LIN28B: variants seen among roughly 807,000 people sequenced by gnomAD.
LIN28B encodes lin-28 RNA binding posttranscriptional regulator B.
Under a neutral mutation model 21.9 loss-of-function variants are expected in LIN28B, and 5 were observed. That is an observed-to-expected ratio of 0.23 (90% confidence interval 0.12 to 0.48). The LOEUF (loss-of-function observed/expected upper bound fraction) is 0.48. Ranked by LOEUF, LIN28B falls within the 20% of genes least tolerant of loss-of-function variation. LIN28B has a pLI of 0.98. For missense variants in LIN28B, 245 were observed against 310.5 expected, an observed-to-expected ratio of 0.79 and a Z score of 1.58; for synonymous variants, 109 against 111.3, an observed-to-expected ratio of 0.98 and a Z score of 0.13.
chr6:105,020,107 C>CTTTTTTTTTTT (rs1158938023), intron 2 of LIN28B, among the ~76,000 whole-genome samples: 4 of 87,610 alleles, frequency 4.6e-5, no homozygotes, highest in African/African-American at 1.9e-4. Flanking sequence ...TCCTGTTATT[C>CTTTTTTTTTTT]TTTTTTTTTT....
rs1771033804 is a variant in LIN28B, at chr6:105,016,656, C to G, written c.199-9642C>G. On this transcript the variant is annotated intron_variant, in intron 2 of 3. Transcript: ENST00000345080. ...TCCCCACCATCCTGATTCTCCCTCTCTGCTTCAAATATATGCTGAACACCT... is the reference window on the plus strand; with the variant it reads ...TCCCCACCATCCTGATTCTCCCTCTGTGCTTCAAATATATGCTGAACACCT... Among the ~76,000 whole-genome samples the G allele has an allele frequency of 3.9e-5, 6 of 152,130 alleles. No individual in the cohort carries two copies. The South Asian group carries it at 1.0e-3, about 26-fold the overall frequency.
At chr6:104,940,856 C>G (rs549014815) in intron 2 of LIN28B, 1 of 152,376 alleles carries the variant, frequency 6.6e-6, no homozygotes, top group Non-Finnish European at 1.5e-5. Context: ...CCCCGCCGCG[C>G]GCCTCACAGG....
At chr6:104,955,776 G>A (rs189535162), upstream of LIN28B, among the ~76,000 whole-genome samples, 437 of 147,578 alleles carry the variant, frequency 3.0e-3, 3 homozygotes, top group Middle Eastern at 3.4e-3. Flanking sequence ...AAAATGGGGG[G>A]TGGGGTAGGC....
chr6:104,999,067 G>C (rs1413018398), intron 2 of LIN28B, among the ~76,000 whole-genome samples: 2 of 152,120 alleles, frequency 1.3e-5, no homozygotes, highest in Non-Finnish European at 2.9e-5. Context: ...CAGGAATATG[G>C]AAATTCATGA....
Position 105,081,427 on chromosome 6 carries a change from A to G in LIN28B, c.*2644A>G, listed in dbSNP as rs1772539336. 1.3e-5 allele frequency: 2 copies of G among 152,782 alleles called. No individual in the cohort carries two copies. Among genetic ancestry groups the G allele is most frequent in the African/African-American group, 2.4e-5 (1 of 41,590 alleles). 9.5% of individuals were successfully genotyped at this position (152,782 alleles called of 1,614,324 possible). ...ATAGGTAAAATATTACTCTGTTTAC[A>G]GCAAAAGGCTACCTCATAGTTGATA... On this transcript the variant is annotated 3_prime_UTR_variant, in exon 4 of 4. Coordinates refer to ENST00000345080, the MANE Select transcript of LIN28B (RefSeq NM_001004317.4).
intron 2 of LIN28B, among the ~76,000 whole-genome samples, chr6:105,025,824 A>G: frequency 6.6e-6 from 1 of 151,990 alleles, no homozygotes. Flanking sequence ...TTTTTAACTC[A>G]ACAATATGAC....
chr6:105,057,896 A>C (rs775006261), intron 3 of LIN28B, among the ~76,000 whole-genome samples: 3 of 152,214 alleles, frequency 2.0e-5, no homozygotes, highest in Non-Finnish European at 4.4e-5. Context: ...GTGTTGCTTT[A>C]AACAAGTTAA....
chr6:105,064,212 G>A (rs1292789523), intron 3 of LIN28B, among the ~76,000 whole-genome samples: 1 of 152,222 alleles, frequency 6.6e-6, no homozygotes, highest in Non-Finnish European at 1.5e-5. Flanking sequence ...ATGAATAAGT[G>A]TTAAAGAATT....
chr6:104,953,027 A>G (rs1173424783), upstream of LIN28B, among the ~76,000 whole-genome samples: 1 of 152,232 alleles, frequency 6.6e-6, no homozygotes, highest in Non-Finnish European at 1.5e-5. Context: ...ATTTGTCTCC[A>G]TGTCGTAGGA....
chr6:105,021,340 G>T (rs1483572055), intron 2 of LIN28B, among the ~76,000 whole-genome samples: 2 of 152,094 alleles, frequency 1.3e-5, no homozygotes, highest in African/African-American at 2.4e-5. Flanking sequence ...TACAAGTGTG[G>T]TTATCTTTGA....
At chr6:105,005,984 A>G (rs1341322409) in intron 2 of LIN28B, among the ~76,000 whole-genome samples, 1 of 152,136 alleles carries the variant, frequency 6.6e-6, no homozygotes, top group Non-Finnish European at 1.5e-5. Flanking sequence ...CATCCAGCTG[A>G]GGAATATTAA....
At position 105,077,652 on chromosome 6, in the gene LIN28B, AAAAG is replaced by A. The variant is rs374725849; in HGVS notation, c.384-757_384-754del. Among the ~76,000 whole-genome samples the A allele has an allele frequency of 1.5e-3, 231 of 152,316 alleles. 1 individual carries two copies. The highest frequency in any genetic ancestry group is 5.1e-3 in the African/African-American group (214 of 41,586). The stretch of plus-strand genomic sequence containing the variant: ...AGAAAGCTAATTTCTTACAAAAAAG[AAAAG>A]AAAGTTAACTTTTCTCATCATTGAA... On this transcript the variant is annotated intron_variant, in intron 3 of 3. Transcript: ENST00000345080.
At chr6:104,991,651 C>G (rs1582882972) in intron 2 of LIN28B, among the ~76,000 whole-genome samples, 1 of 152,128 alleles carries the variant, frequency 6.6e-6, no homozygotes, top group Non-Finnish European at 1.5e-5. Flanking sequence ...CTTTGGGAGG[C>G]CAAGGCAGGC....
chr6:105,059,878 T>C (rs980379139), intron 3 of LIN28B, among the ~76,000 whole-genome samples: 5 of 151,976 alleles, frequency 3.3e-5, no homozygotes, highest in Non-Finnish European at 7.4e-5. Context: ...TATTTTCCCT[T>C]TTCATTTTCT....
intron 2 of LIN28B, among the ~76,000 whole-genome samples, chr6:104,938,359 G>A (rs1778036578): frequency 6.6e-6 from 1 of 152,088 alleles, no homozygotes; most frequent in African/African-American, 2.4e-5. Context: ...AATTGCCAAG[G>A]TCAGGCATGG....
chr6:105,039,453 A>G (rs1010981293), intron 3 of LIN28B, among the ~76,000 whole-genome samples: 25 of 152,176 alleles, frequency 1.6e-4, no homozygotes, highest in African/African-American at 5.8e-4. Context: ...TAAAAACCCT[A>G]CTGTATTGTT....
chr6:104,992,921 T>C (rs1048084954), intron 2 of LIN28B, among the ~76,000 whole-genome samples: 1 of 152,164 alleles, frequency 6.6e-6, no homozygotes, highest in Non-Finnish European at 1.5e-5. Context: ...CCTCAATTTA[T>C]TTCAGACAAC....
intron 3 of LIN28B, among the ~76,000 whole-genome samples, chr6:105,031,309 T>C (rs1771417896): frequency 6.6e-6 from 1 of 152,080 alleles, no homozygotes; most frequent in Non-Finnish European, 1.5e-5. Context: ...CCTCATCATT[T>C]TTTGAGTACT....
intron 3 of LIN28B, among the ~76,000 whole-genome samples, chr6:105,055,606 T>A (rs894499843): frequency 6.6e-6 from 1 of 152,214 alleles, no homozygotes; most frequent in Admixed American, 6.5e-5. Flanking sequence ...TTTCTTTGAT[T>A]CAGTTTGTGC....
Sources: allele counts gnomAD v4.1 joint callset (sites outside exome capture counted in the v4.1 genomes callset), GRCh38; gene constraint gnomAD v4.1.1; transcripts MANE v1.5; gene names NCBI Gene and HGNC (gene_info 2026-07-23, HGNC 2026-07-21).